FRA10AC1: variants seen among roughly 807,000 people sequenced by gnomAD.
The protein encoded by FRA10AC1 is FRA10A associated CGG repeat 1.
A neutral mutation model predicts 56.5 loss-of-function variants in FRA10AC1; 43 were observed. The observed-to-expected ratio is 0.76, with a 90% confidence interval of 0.60 to 0.98. FRA10AC1 has a LOEUF of 0.98. Among genes scored for constraint, FRA10AC1 ranks in the 50% least tolerant of loss-of-function variants. The pLI, the probability that FRA10AC1 is intolerant of heterozygous loss-of-function variation, is 0.00. For missense variants in FRA10AC1, 346 were observed against 351.8 expected (o/e 0.98, Z 0.13); for synonymous variants, 112 against 110.5 (o/e 1.01, Z -0.09).
chr10:93,679,837 G>C (rs2058902593), intron 11 of FRA10AC1, among the ~76,000 whole-genome samples: 1 of 152,184 alleles, frequency 6.6e-6, no homozygotes, highest in Non-Finnish European at 1.5e-5. Flanking sequence ...GTTTGTAGTA[G>C]GGTGGAGAGA....
chr10:93,694,880 CT>C lies in FRA10AC1; in HGVS notation c.276del (p.Glu93LysfsTer33), dbSNP rs1317458085. The C allele has an allele frequency of 6.3e-7, 1 of 1,587,182 alleles. No individual in the cohort carries two copies. The highest frequency in any genetic ancestry group is 8.7e-7 in the Non-Finnish European group (1 of 1,155,628). On this transcript the variant is annotated frameshift_variant, in exon 5 of 14. Coordinates refer to ENST00000359204, the MANE Select transcript of FRA10AC1 (RefSeq NM_145246.5). LOFTEE classifies it high-confidence loss of function. ...NDYILYYGGKKEDFKRLGEND... is the reference protein window; with the variant it reads ...NDYILYYGGKXEDFKRLGEND... ...ACTTACCCCAAACGCTTGAAGTCTTCTTTTTTGCCACCATAGTATAAAATAT... is the reference window on the plus strand; with the variant it reads ...ACTTACCCCAAACGCTTGAAGTCTTCTTTTTGCCACCATAGTATAAAATAT...
At chr10:93,693,702 T>C (rs987960159) in intron 5 of FRA10AC1, among the ~76,000 whole-genome samples, 3 of 142,212 alleles carry the variant, frequency 2.1e-5, no homozygotes, top group South Asian at 2.3e-4. Context: ...CATATATATA[T>C]ACACACACCA....
intron 8 of FRA10AC1, among the ~76,000 whole-genome samples, 156 bp downstream of exon 8, chr10:93,687,248 C>A (rs961535369): frequency 1.3e-5 from 2 of 151,712 alleles, no homozygotes; most frequent in South Asian, 2.1e-4. Flanking sequence ...TATATTCAGA[C>A]CTTTGCTAAT....
At chr10:93,673,161 C>T in intron 12 of FRA10AC1, 1 of 331,392 alleles carries the variant, frequency 3.0e-6, no homozygotes, top group Non-Finnish European at 5.9e-6. Flanking sequence ...TTCCTTTTGT[C>T]AGACAGTTCT....
intron 5 of FRA10AC1, among the ~76,000 whole-genome samples, chr10:93,693,518 T>TACC (rs2059167039): frequency 1.3e-5 from 1 of 79,922 alleles, no homozygotes; most frequent in African/African-American, 8.2e-5. Flanking sequence ...ACACCATATA[T>TACC]ATATATATAC....
At chr10:93,696,880 C>T (rs182728836) in intron 4 of FRA10AC1, among the ~76,000 whole-genome samples, 2 of 152,186 alleles carry the variant, frequency 1.3e-5, no homozygotes, top group Admixed American at 1.3e-4. Flanking sequence ...CACATGTTGT[C>T]ACCCATAAAT....
chr10:93,682,356 G>A (rs1055238027), intron 10 of FRA10AC1, among the ~76,000 whole-genome samples: 1 of 152,152 alleles, frequency 6.6e-6, no homozygotes, highest in Non-Finnish European at 1.5e-5. Flanking sequence ...TGCTATAATA[G>A]TATTTAATGC....
chr10:93,688,253 C>G (rs1429631679), intron 7 of FRA10AC1, among the ~76,000 whole-genome samples: 1 of 152,080 alleles, frequency 6.6e-6, no homozygotes, highest in Non-Finnish European at 1.5e-5. Flanking sequence ...AAAACCCAAT[C>G]TGAAAAGACT....
chr10:93,683,879 G>A (rs944655277), intron 10 of FRA10AC1, among the ~76,000 whole-genome samples, 177 bp downstream of exon 10: 3 of 152,066 alleles, frequency 2.0e-5, no homozygotes, highest in African/African-American at 2.4e-5. Context: ...GGCAAGAATA[G>A]GGCATAGCGG....
chr10:93,687,054 C>T (rs1543580), intron 8 of FRA10AC1, among the ~76,000 whole-genome samples: 100,579 of 151,580 alleles, frequency 0.66, 34,113 homozygotes, highest in Middle Eastern at 0.79. Context: ...AAAACAGTAA[C>T]ACCAATTCAT....
chr10:93,676,745 A>G (rs2058848678), intron 11 of FRA10AC1, 54 bp from the exon 12 acceptor site: 3 of 1,504,188 alleles, frequency 2.0e-6, no homozygotes, highest in Non-Finnish European at 8.9e-7. Flanking sequence ...TAGTGCAATC[A>G]TTGTAGCTAT....
At position 93,684,106 on chromosome 10, in the gene FRA10AC1, G is replaced by A; in HGVS notation, c.626-8C>T. On this transcript the variant is annotated splice_polypyrimidine_tract_variant and splice_region_variant and intron_variant, in intron 9 of 13. Coordinates refer to ENST00000359204, the MANE Select transcript of FRA10AC1 (RefSeq NM_145246.5). ...AACATTCTTGGCATAACCCTAAAAA[G>A]AAAAGACACCACTGAATGGCTGATT... 6.2e-7 allele frequency: 1 copy of A among 1,601,432 alleles called. No homozygotes were observed. Among genetic ancestry groups the A allele is most frequent in the South Asian group, 1.1e-5 (1 of 90,302 alleles).
intron 11 of FRA10AC1, among the ~76,000 whole-genome samples, chr10:93,678,105 G>C (rs999296088): frequency 6.6e-6 from 1 of 152,200 alleles, no homozygotes; most frequent in African/African-American, 2.4e-5. Flanking sequence ...ATTGGAATAT[G>C]TAAGAGGAAC....
chr10:93,691,152 G>C (rs983418882), intron 7 of FRA10AC1, among the ~76,000 whole-genome samples: 6 of 151,970 alleles, frequency 3.9e-5, no homozygotes, highest in African/African-American at 1.5e-4. Flanking sequence ...ACCTTTTCCA[G>C]CTATAATTTG....
intron 12 of FRA10AC1, chr10:93,671,750 A>G (rs1365168586): frequency 6.7e-6 from 2 of 299,248 alleles, no homozygotes; most frequent in Non-Finnish European, 1.3e-5. Context: ...ACATATGCAC[A>G]TTATATACAT....
intron 12 of FRA10AC1, chr10:93,672,118 T>C (rs2058773098): frequency 2.3e-6 from 1 of 435,276 alleles, no homozygotes; most frequent in Admixed American, 2.7e-5. Context: ...AAATGTGGCC[T>C]GTCAATACAG....
chr10:93,681,878 C>G (rs1294165017), intron 10 of FRA10AC1, among the ~76,000 whole-genome samples: 1 of 151,900 alleles, frequency 6.6e-6, no homozygotes, highest in Admixed American at 6.6e-5. Flanking sequence ...GTATTTGTTT[C>G]TTTCTTTCTA....
chr10:93,691,921 A>G (rs1299372609), intron 7 of FRA10AC1, 88 bp downstream of exon 7: 1 of 1,356,492 alleles, frequency 7.4e-7, no homozygotes, highest in Non-Finnish European at 9.9e-7. Context: ...AGCATCTTTA[A>G]AAGAATAATG....
intron 8 of FRA10AC1, among the ~76,000 whole-genome samples, chr10:93,687,147 G>A (rs2059043836): frequency 6.6e-6 from 1 of 151,852 alleles, no homozygotes; most frequent in South Asian, 2.1e-4. Flanking sequence ...TCTTTAATTT[G>A]TAAAATATTT....
Sources: allele counts gnomAD v4.1 joint callset (sites outside exome capture counted in the v4.1 genomes callset), GRCh38; gene constraint gnomAD v4.1.1; transcripts MANE v1.5; gene names NCBI Gene and HGNC (gene_info 2026-07-23, HGNC 2026-07-21).